The following ZNF704 variants were observed in gnomAD, a reference collection of about 807,000 sequenced individuals.
ZNF704 encodes zinc finger protein 704.
Under a neutral mutation model 44.7 loss-of-function variants are expected in ZNF704, and 10 were observed. The observed-to-expected ratio is 0.22, with a 90% confidence interval of 0.14 to 0.38. ZNF704 has a LOEUF of 0.38. Ranked by LOEUF, ZNF704 falls within the 10% of genes least tolerant of loss-of-function variation. The pLI is 1.00. For synonymous variants in ZNF704, 211 were observed against 207.6 expected (o/e 1.02, Z -0.14); for missense variants, 390 against 545.5 (o/e 0.71, Z 2.84).
intron 1 of ZNF704, among the ~76,000 whole-genome samples, chr8:80,858,443 T>C (rs1484444176): frequency 6.6e-6 from 1 of 152,298 alleles, no homozygotes. Context: ...TAGAAGAATA[T>C]TGATGGAGCT....
At chr8:80,799,737 A>T (rs573350788) in intron 2 of ZNF704, among the ~76,000 whole-genome samples, 2 of 152,312 alleles carry the variant, frequency 1.3e-5, no homozygotes, top group East Asian at 1.9e-4. Context: ...TGAAAACTCA[A>T]AAAGCCAGAC....
the ZNF704 span, among the ~76,000 whole-genome samples, chr8:80,881,270 C>G: frequency 2.6e-5 from 4 of 152,128 alleles, no homozygotes; most frequent in Non-Finnish European, 5.9e-5. Context: ...CATAAATATT[C>G]ATCAAAATGA....
At chr8:80,767,647 G>C (rs985479125) in intron 2 of ZNF704, among the ~76,000 whole-genome samples, 1 of 152,134 alleles carries the variant, frequency 6.6e-6, no homozygotes, top group Non-Finnish European at 1.5e-5. Context: ...TAATGCTTTG[G>C]CTAGTTTTTG....
intron 2 of ZNF704, among the ~76,000 whole-genome samples, chr8:80,710,405 C>T (rs911740619): frequency 6.6e-6 from 1 of 152,116 alleles, no homozygotes; most frequent in Non-Finnish European, 1.5e-5. Flanking sequence ...GAGGAAACAG[C>T]CACAGAGAGG....
chr8:80,715,071 A>G (rs563452669), intron 2 of ZNF704, among the ~76,000 whole-genome samples: 80 of 152,370 alleles, frequency 5.3e-4, no homozygotes, highest in African/African-American at 1.9e-3. Context: ...TACTCATTAA[A>G]ATACAGGCCA....
At chr8:80,691,248 C>G (rs957128897) in intron 3 of ZNF704, among the ~76,000 whole-genome samples, 2 of 152,174 alleles carry the variant, frequency 1.3e-5, no homozygotes, top group African/African-American at 4.8e-5. Context: ...CATCATTGAC[C>G]ATGCTGGTTT....
chr8:80,796,551 A>G (rs1235730489), intron 2 of ZNF704, among the ~76,000 whole-genome samples: 1 of 152,200 alleles, frequency 6.6e-6, no homozygotes, highest in Non-Finnish European at 1.5e-5. Flanking sequence ...TTTCTCACAA[A>G]CAAATGTATT....
chr8:80,777,007 A>C (rs1807424374), intron 2 of ZNF704: 1 of 152,070 alleles, frequency 6.6e-6, no homozygotes, highest in African/African-American at 2.4e-5. Flanking sequence ...TAGGCTTAGG[A>C]TCTCATTCAC....
At chr8:80,802,184 G>A (rs1586038113) in intron 2 of ZNF704, among the ~76,000 whole-genome samples, 1 of 101,716 alleles carries the variant, frequency 9.8e-6, no homozygotes, top group Non-Finnish European at 1.9e-5. Context: ...AGTAATAAAC[G>A]CCTACCAACC....
At chr8:80,724,407 C>T (rs1806435859) in intron 2 of ZNF704, among the ~76,000 whole-genome samples, 1 of 152,166 alleles carries the variant, frequency 6.6e-6, no homozygotes, top group African/African-American at 2.4e-5. Context: ...TAAGCTCATC[C>T]AACCATATAC....
intron 2 of ZNF704, among the ~76,000 whole-genome samples, chr8:80,775,426 T>C (rs1807394874): frequency 6.6e-6 from 1 of 152,232 alleles, no homozygotes; most frequent in Non-Finnish European, 1.5e-5. Context: ...TCTTACTATA[T>C]TCACAATGGT....
At chr8:80,666,600 G>A (rs200174072) in intron 5 of ZNF704, among the ~76,000 whole-genome samples, 4 of 151,750 alleles carry the variant, frequency 2.6e-5, no homozygotes, top group South Asian at 2.1e-4. Flanking sequence ...AAGTGTTCCT[G>A]TTTCTCCACA....
Position 80,633,165 on chromosome 8 carries a change from T to C in ZNF704, c.*8201A>G, listed in dbSNP as rs1817613929. The C allele has an allele frequency of 6.6e-6, 1 of 152,242 alleles. No individual in the cohort carries two copies. The highest frequency in any genetic ancestry group is 2.4e-5 in the African/African-American group (1 of 41,466). The allele number at this position is 152,242 out of a possible 1,614,324, so 9.4% of individuals were successfully genotyped here. On this transcript the variant is annotated 3_prime_UTR_variant, in exon 9 of 9. Transcript: ENST00000327835. ...CATGACTTAACCATATTACCAGGCG[T>C]TTCCAACTCTGAGTTTACAGTATGT...
intron 7 of ZNF704, among the ~76,000 whole-genome samples, chr8:80,658,485 C>G (rs1175580700): frequency 6.6e-6 from 1 of 152,132 alleles, no homozygotes; most frequent in Non-Finnish European, 1.5e-5. Flanking sequence ...CACGTCTAAG[C>G]TGCCCTCTTC....
intron 7 of ZNF704, chr8:80,645,309 C>A: frequency 1.3e-6 from 1 of 795,164 alleles, no homozygotes; most frequent in South Asian, 1.8e-5. Context: ...CCAACGTGGT[C>A]ACAGGAATAG....
chr8:80,652,065 C>G (rs1404194170), intron 7 of ZNF704, among the ~76,000 whole-genome samples: 1 of 152,216 alleles, frequency 6.6e-6, no homozygotes, highest in Non-Finnish European at 1.5e-5. Context: ...TCCTGAATGA[C>G]TACTGGGTAC....
intron 2 of ZNF704, among the ~76,000 whole-genome samples, chr8:80,724,772 C>T (rs1339713274): frequency 6.6e-6 from 1 of 152,200 alleles, no homozygotes; most frequent in Non-Finnish European, 1.5e-5. Flanking sequence ...TTCAGGCACT[C>T]ATTGTCTCTC....
intron 5 of ZNF704, among the ~76,000 whole-genome samples, chr8:80,666,594 G>A (rs1348819890): frequency 2.6e-5 from 4 of 151,912 alleles, no homozygotes; most frequent in African/African-American, 9.7e-5. Flanking sequence ...GTGTAAAAGT[G>A]TTCCTGTTTC....
intron 1 of ZNF704, among the ~76,000 whole-genome samples, chr8:80,825,133 T>C (rs559850784): frequency 5.9e-5 from 9 of 152,244 alleles, no homozygotes; most frequent in Admixed American, 5.9e-4. Context: ...GACTGGCAAA[T>C]TGGATAAAGA....
Sources: gnomAD v4.1 joint callset for allele counts (sites outside exome capture counted in the v4.1 genomes callset) on GRCh38, gnomAD v4.1.1 for gene constraint, MANE v1.5 for transcripts, NCBI Gene and HGNC (gene_info 2026-07-23, HGNC 2026-07-21) for gene names.